The following SCAMP1 variants were observed in gnomAD, a reference collection of about 807,000 sequenced individuals.
SCAMP1 encodes the protein secretory carrier-associated membrane protein 1.
SCAMP1 carries 15 observed loss-of-function variants against 41.8 expected under a neutral mutation model. The observed-to-expected ratio is 0.36, with a 90% CI of 0.24 to 0.55. SCAMP1 has a LOEUF of 0.55. Among genes scored for constraint, SCAMP1 ranks in the 20% least tolerant of loss-of-function variants. The pLI, the probability that SCAMP1 is intolerant of heterozygous loss-of-function variation, is 0.86. For missense variants in SCAMP1, 341 were observed against 412.6 expected (o/e 0.83, Z 1.50); for synonymous variants, 135 against 136.8 (o/e 0.99, Z 0.09).
chr5:78,363,535 A>C (rs1028484045), intron 1 of SCAMP1, among the ~76,000 whole-genome samples: 11 of 152,226 alleles, frequency 7.2e-5, no homozygotes, highest in Non-Finnish European at 1.3e-4. Flanking sequence ...TTTTATTTGC[A>C]GTATTTGAAG....
At chr5:78,438,194 T>A (rs1431879959) in intron 6 of SCAMP1, among the ~76,000 whole-genome samples, 2 of 152,208 alleles carry the variant, frequency 1.3e-5, no homozygotes, top group African/African-American at 2.4e-5. Context: ...TTTGAAGGGT[T>A]TTTTATGTCT....
At chr5:78,425,958 C>T (rs1443286139) in intron 6 of SCAMP1, among the ~76,000 whole-genome samples, 2 of 151,476 alleles carry the variant, frequency 1.3e-5, no homozygotes, top group South Asian at 2.1e-4. Context: ...CCCCCCACCC[C>T]TGACAGGCCC....
intron 6 of SCAMP1, among the ~76,000 whole-genome samples, chr5:78,427,326 A>G (rs551491913): frequency 2.0e-5 from 3 of 152,210 alleles, no homozygotes; most frequent in African/African-American, 4.8e-5. Context: ...TGAGTACTGC[A>G]CCAGGCCATT....
intron 7 of SCAMP1, among the ~76,000 whole-genome samples, chr5:78,454,218 T>C (rs1352690922): frequency 4.6e-5 from 7 of 152,002 alleles, no homozygotes; most frequent in Non-Finnish European, 8.8e-5. Flanking sequence ...TCCAACACTA[T>C]GTTGAATAGG....
intron 6 of SCAMP1, among the ~76,000 whole-genome samples, chr5:78,442,105 G>A (rs1222003921): frequency 6.6e-6 from 1 of 152,084 alleles, no homozygotes; most frequent in Non-Finnish European, 1.5e-5. Context: ...CTCTAGACTG[G>A]GTGACATAGT....
intron 6 of SCAMP1, among the ~76,000 whole-genome samples, chr5:78,443,387 T>C (rs1752976734): frequency 6.6e-6 from 1 of 152,138 alleles, no homozygotes; most frequent in Non-Finnish European, 1.5e-5. Context: ...AAGGTTTGAA[T>C]GGGCAATACA....
At chr5:78,473,142 G>GA (rs113634305) in intron 8 of SCAMP1, among the ~76,000 whole-genome samples, 3,352 of 152,250 alleles carry the variant, frequency 0.022, 110 homozygotes, top group African/African-American at 0.07. Context: ...GGTACTAGGG[G>GA]AAAGGAATCT....
intron 4 of SCAMP1, among the ~76,000 whole-genome samples, chr5:78,416,966 A>T (rs1752225555): frequency 1.3e-5 from 2 of 151,900 alleles, no homozygotes; most frequent in African/African-American, 2.4e-5. Flanking sequence ...GGTTCTGTGG[A>T]CTCTTTATGA....
intron 6 of SCAMP1, among the ~76,000 whole-genome samples, chr5:78,425,637 G>A (rs577117935): frequency 6.6e-6 from 1 of 152,124 alleles, no homozygotes; most frequent in South Asian, 2.1e-4. Context: ...AACAGTTCTT[G>A]CCGCTGACTT....
At chr5:78,372,584 C>G (rs538499464) in intron 1 of SCAMP1, among the ~76,000 whole-genome samples, 2 of 152,066 alleles carry the variant, frequency 1.3e-5, no homozygotes, top group Non-Finnish European at 2.9e-5. Flanking sequence ...TCAAAAATCT[C>G]CAAGCAAGTG....
intron 6 of SCAMP1, among the ~76,000 whole-genome samples, chr5:78,430,453 A>G (rs1752591661): frequency 6.6e-6 from 1 of 151,612 alleles, no homozygotes; most frequent in Non-Finnish European, 1.5e-5. Flanking sequence ...TTTTCTGGCA[A>G]GATTGAAAAA....
At chr5:78,444,381 A>C (rs1753003678) in intron 6 of SCAMP1, among the ~76,000 whole-genome samples, 1 of 152,214 alleles carries the variant, frequency 6.6e-6, no homozygotes, top group Admixed American at 6.5e-5. Flanking sequence ...ACATGGTGGC[A>C]GGCAAGAGAG....
At chr5:78,417,583 CT>C (rs1255861186) in intron 4 of SCAMP1, among the ~76,000 whole-genome samples, 7 of 152,206 alleles carry the variant, frequency 4.6e-5, no homozygotes, top group Non-Finnish European at 7.3e-5. Context: ...CATTTTAGTA[CT>C]TTTCCCCTCT....
intron 1 of SCAMP1, 76 bp from the exon 2 acceptor site, chr5:78,388,761 C>T: frequency 1.3e-6 from 1 of 745,476 alleles, no homozygotes; most frequent in Non-Finnish European, 2.2e-6. Context: ...ATAGATAAAG[C>T]AAATGGTATG....
intron 8 of SCAMP1, among the ~76,000 whole-genome samples, chr5:78,465,784 T>C (rs1753729905): frequency 6.6e-6 from 1 of 152,090 alleles, no homozygotes; most frequent in African/African-American, 2.4e-5. Context: ...CAGTCTGATA[T>C]CAAGAGGGCA....
intron 1 of SCAMP1, among the ~76,000 whole-genome samples, chr5:78,370,277 G>T (rs1750911223): frequency 6.6e-6 from 1 of 152,186 alleles, no homozygotes; most frequent in Non-Finnish European, 1.5e-5. Flanking sequence ...TGCAAATATT[G>T]TAAGATGTTT....
At position 78,475,751 on chromosome 5, in the gene SCAMP1, AAC is replaced by A; in HGVS notation, c.*89_*90del. The A allele has an allele frequency of 8.8e-7, 1 of 1,133,636 alleles. No homozygotes were observed. The highest frequency in any genetic ancestry group is 1.8e-5 in the South Asian group (1 of 54,516). The allele number at this position is 1,133,636 out of a possible 1,614,324, so 70.2% of individuals were successfully genotyped here. A position where few individuals can be genotyped will look rare whatever the true frequency, so the allele number is the denominator to read the frequency against. ...ATTCTACAAATATTTTTATGTTCAA[AAC>A]ACACAGTACAGACAGCATGGATATT... On this transcript the variant is annotated 3_prime_UTR_variant, in exon 9 of 9. Transcript: ENST00000621999.
intron 6 of SCAMP1, among the ~76,000 whole-genome samples, chr5:78,425,277 TA>T (rs1282345456): frequency 6.6e-6 from 1 of 152,158 alleles, no homozygotes; most frequent in Non-Finnish European, 1.5e-5. Flanking sequence ...AAACACAAGT[TA>T]AAAGGCATAA....
At chr5:78,452,692 G>A (rs1005525595) in intron 7 of SCAMP1, among the ~76,000 whole-genome samples, 77 of 151,648 alleles carry the variant, frequency 5.1e-4, no homozygotes, top group African/African-American at 1.8e-3. Context: ...ATAGTCCTTT[G>A]GGTATATACC....
Sources: allele counts gnomAD v4.1 joint callset (sites outside exome capture counted in the v4.1 genomes callset), GRCh38; gene constraint gnomAD v4.1.1; transcripts MANE v1.5; gene names NCBI Gene and HGNC (gene_info 2026-07-23, HGNC 2026-07-21).